The following GDAP1 variants were observed in gnomAD, a reference collection of about 807,000 sequenced individuals.
The protein encoded by GDAP1 is ganglioside-induced differentiation-associated protein 1.
GDAP1 carries 34 observed loss-of-function variants against 40.1 expected under a neutral mutation model. The observed-to-expected ratio is 0.85, with a 90% CI of 0.64 to 1.13. GDAP1 has a LOEUF of 1.13. GDAP1 is among the 50% of genes most tolerant of loss of function. GDAP1 has a pLI of 0.00. For synonymous variants in GDAP1, 170 were observed against 157.4 expected (o/e 1.08, Z -0.60); for missense variants, 374 against 433.7 (o/e 0.86, Z 1.22).
At position 74,350,591 on chromosome 8, in the gene GDAP1, T is replaced by C. The variant is rs1159236388; in HGVS notation, c.117+13T>C. 2 of 1,496,814 alleles carry C rather than the reference T, an allele frequency of 1.3e-6. No individual in the cohort carries two copies. Among genetic ancestry groups the C allele is most frequent in the Non-Finnish European group, 1.9e-6 (2 of 1,072,900 alleles). The allele number at this position is 1,496,814 out of a possible 1,614,324, so 92.7% of individuals were successfully genotyped here. A position where few individuals can be genotyped will look rare whatever the true frequency, so the allele number is the denominator to read the frequency against. The stretch of plus-strand genomic sequence containing the variant: ...CAGCTCTCAAAAGGTACAACAGGCC[T>C]TGGCGGCGGAGGGTGGCGCGGATCG... On this transcript the variant is annotated intron_variant, in intron 1 of 5. Coordinates refer to ENST00000220822, the MANE Select transcript of GDAP1 (RefSeq NM_018972.4).
chr8:74,473,477 G>C (rs1273069279), intron 2 of GDAP1, among the ~76,000 whole-genome samples: 1 of 152,164 alleles, frequency 6.6e-6, no homozygotes, highest in Non-Finnish European at 1.5e-5. Flanking sequence ...TTTGTATATG[G>C]TGTATGGAAA....
At chr8:74,438,145 C>T (rs1209364127) in intron 2 of GDAP1, among the ~76,000 whole-genome samples, 3 of 152,110 alleles carry the variant, frequency 2.0e-5, no homozygotes, top group African/African-American at 7.2e-5. Flanking sequence ...TGGCGCGCGC[C>T]TGTAGTCTCA....
chr8:74,442,604 A>G (rs1178084587), intron 2 of GDAP1, among the ~76,000 whole-genome samples: 1 of 152,240 alleles, frequency 6.6e-6, no homozygotes, highest in African/African-American at 2.4e-5. Context: ...CTTGGAGATT[A>G]TTATTCATTT....
chr8:74,458,980 G>A (rs766824496), intron 2 of GDAP1, among the ~76,000 whole-genome samples: 63 of 152,236 alleles, frequency 4.1e-4, no homozygotes, highest in African/African-American at 1.1e-3. Context: ...TCCAGACTAT[G>A]GGAGAAAAAA....
At chr8:74,398,825 G>C (rs536565480) in intron 2 of GDAP1, among the ~76,000 whole-genome samples, 2 of 151,820 alleles carry the variant, frequency 1.3e-5, no homozygotes, top group Non-Finnish European at 2.9e-5. Context: ...TTTTGTCTTT[G>C]GTTCTGTTTA....
intron 2 of GDAP1, among the ~76,000 whole-genome samples, chr8:74,468,556 T>G (rs1413392405): frequency 6.6e-6 from 1 of 151,544 alleles, no homozygotes; most frequent in African/African-American, 2.4e-5. Context: ...CACACATATA[T>G]AGGTTGCTAA....
At chr8:74,448,203 A>C (rs1806256665) in intron 2 of GDAP1, among the ~76,000 whole-genome samples, 1 of 152,122 alleles carries the variant, frequency 6.6e-6, no homozygotes, top group African/African-American at 2.4e-5. Flanking sequence ...TTTCTGTCAT[A>C]TGGATTTGTT....
chr8:74,364,322 T>G lies in GDAP1; in HGVS notation c.1032T>G (p.Leu344=). ...YFAFMLFRKR[L]GSMILAFRPR... is the part of the protein sequence containing the mutation. Reference sequence around the variant, plus strand: ...CTTTTATGCTTTTCAGAAAGAGGCTTGGCAGCATGATATTAGCATTTAGAC... The same window carrying G: ...CTTTTATGCTTTTCAGAAAGAGGCTGGGCAGCATGATATTAGCATTTAGAC... The change falls in exon 6 of 6, where the codon CTT becomes CTG. Residue 344 remains leucine (L), a synonymous_variant. Coordinates refer to ENST00000220822, the MANE Select transcript of GDAP1 (RefSeq NM_018972.4). 1 of 1,614,116 alleles carries G rather than the reference T, an allele frequency of 6.2e-7. No individual in the cohort carries two copies. Among genetic ancestry groups the G allele is most frequent in the Non-Finnish European group, 8.5e-7 (1 of 1,179,956 alleles).
At chr8:74,480,233 C>A (rs771086397) in intron 2 of GDAP1, among the ~76,000 whole-genome samples, 16 of 151,906 alleles carry the variant, frequency 1.1e-4, no homozygotes, top group Non-Finnish European at 8.8e-5. Flanking sequence ...CAAGATCACC[C>A]GCCTCGGCCT....
At chr8:74,401,527 T>A (rs900587674) in intron 2 of GDAP1, among the ~76,000 whole-genome samples, 2 of 150,118 alleles carry the variant, frequency 1.3e-5, no homozygotes, top group African/African-American at 5.1e-5. Flanking sequence ...AGTAGTTTGA[T>A]CGTCTGAAGC....
intron 2 of GDAP1, among the ~76,000 whole-genome samples, chr8:74,354,128 T>C (rs1199201905): frequency 6.6e-6 from 1 of 152,176 alleles, no homozygotes; most frequent in Non-Finnish European, 1.5e-5. Context: ...TTAAAGAATA[T>C]TACTTTATAG....
Position 74,365,068 on chromosome 8 carries a change from C to T in GDAP1, c.*701C>T, listed in dbSNP as rs1809557662. 2 of 453,812 alleles carry T rather than the reference C, an allele frequency of 4.4e-6. No individual in the cohort carries two copies. The highest frequency in any genetic ancestry group is 8.8e-6 in the Non-Finnish European group (2 of 226,730). The allele number at this position is 453,812 out of a possible 1,614,324, so 28.1% of individuals were successfully genotyped here. A position where few individuals can be genotyped will look rare whatever the true frequency, so the allele number is the denominator to read the frequency against. The stretch of plus-strand genomic sequence containing the variant: ...ATACCATTCCTCTGGATGGTCATGT[C>T]CAGTCAGTGGGAGGTAGAAAGGGTG... On this transcript the variant is annotated 3_prime_UTR_variant, in exon 6 of 6. Coordinates refer to ENST00000220822, the MANE Select transcript of GDAP1 (RefSeq NM_018972.4).
At chr8:74,425,389 A>G (rs1805934765) in intron 2 of GDAP1, among the ~76,000 whole-genome samples, 1 of 152,212 alleles carries the variant, frequency 6.6e-6, no homozygotes, top group Non-Finnish European at 1.5e-5. Context: ...GGATTTAACC[A>G]GAAGTATTCT....
Position 74,458,028 on chromosome 8 carries a change from A to G in GDAP1, c.166-30650A>G, listed in dbSNP as rs186044797. Reference sequence around the variant, plus strand: ...TTGTAGTTTTTAAGAATAACTGTTCACCGTCCCTAAATGAGTTGCTATCAT... The same window carrying G: ...TTGTAGTTTTTAAGAATAACTGTTCGCCGTCCCTAAATGAGTTGCTATCAT... On this transcript the variant is annotated intron_variant, in intron 2 of 2. Transcript: ENST00000523640. Among the ~76,000 whole-genome samples the G allele has an allele frequency of 3.9e-3, 588 of 152,222 alleles. 3 individuals are homozygous for G. The highest frequency in any genetic ancestry group is 4.6e-3 in the Non-Finnish European group (316 of 67,996).
In GDAP1 at chr8:74,397,625, T is replaced by C. The variant is rs1291237764; in HGVS notation, c.165+46304T>C. On this transcript the variant is annotated intron_variant, in intron 2 of 2. Coordinates refer to the GDAP1 transcript ENST00000523640. Reference sequence around the variant, plus strand: ...TATTAAATAGGGAATCCTTTCCCCATTGCTTGTTTTTCTCAGGTTTGTGAA... The same window carrying C: ...TATTAAATAGGGAATCCTTTCCCCACTGCTTGTTTTTCTCAGGTTTGTGAA... Among the ~76,000 whole-genome samples the C allele has an allele frequency of 4.6e-5, 7 of 152,256 alleles. No homozygotes were observed. The East Asian group carries it at 1.4e-3, about 29-fold the overall frequency.
chr8:74,408,537 A>C, intron 2 of GDAP1, among the ~76,000 whole-genome samples: 1 of 150,026 alleles, frequency 6.7e-6, no homozygotes, highest in East Asian at 1.9e-4. Context: ...ACTTAATGAA[A>C]AGGCACCATC....
At chr8:74,388,992 G>A (rs1211969098) in intron 2 of GDAP1, among the ~76,000 whole-genome samples, 2 of 152,160 alleles carry the variant, frequency 1.3e-5, no homozygotes, top group Admixed American at 1.3e-4. Context: ...TCAGAGATTA[G>A]GATTGCAACC....
Position 74,364,182 on chromosome 8 carries a change from A to AAT in GDAP1, c.897_898dup (p.Leu300TyrfsTer2). The AAT allele has an allele frequency of 6.2e-7, 1 of 1,614,148 alleles. No individual in the cohort carries two copies. Reference sequence around the variant, plus strand: ...TAACAAGGTTTTAGGACATGTCAACAATATATTAATCTCTGCAGTGCTGCC... The same window carrying AAT: ...TAACAAGGTTTTAGGACATGTCAACAATATATATTAATCTCTGCAGTGCTGCC... On this transcript the variant is annotated frameshift_variant, in exon 6 of 6. Coordinates refer to ENST00000220822, the MANE Select transcript of GDAP1 (RefSeq NM_018972.4). LOFTEE classifies it high-confidence loss of function.
At position 74,403,274 on chromosome 8, in the gene GDAP1, C is replaced by A. The variant is rs960766615; in HGVS notation, c.165+51953C>A. On this transcript the variant is annotated intron_variant, in intron 2 of 2. Coordinates refer to the GDAP1 transcript ENST00000523640. ...TATTAGTATTGGAGTCTCCATCCTACCAATTTCATTACAGTATTGACTGCA... is the reference window on the plus strand; with the variant it reads ...TATTAGTATTGGAGTCTCCATCCTAACAATTTCATTACAGTATTGACTGCA... 2.0e-5 allele frequency among the ~76,000 whole-genome samples: 3 copies of A among 149,950 alleles called. 1 individual carries two copies. The highest frequency in any genetic ancestry group is 7.6e-5 in the African/African-American group (3 of 39,316).
Sources: gnomAD v4.1 joint callset for allele counts (sites outside exome capture counted in the v4.1 genomes callset) on GRCh38, gnomAD v4.1.1 for gene constraint, MANE v1.5 for transcripts, NCBI Gene and HGNC (gene_info 2026-07-23, HGNC 2026-07-21) for gene names.